Variants in ESPNL observed in about 807,000 individuals in gnomAD.
ESPNL encodes the protein espin like, also known as espin-like protein.
ESPNL carries 49 observed loss-of-function variants against 46.8 expected under a neutral mutation model. The ratio of observed to expected loss-of-function variants is 1.05; its 90% confidence interval spans 0.83 to 1.33. The LOEUF (loss-of-function observed/expected upper bound fraction) is 1.33. ESPNL is among the 40% of genes most tolerant of loss of function. ESPNL has a pLI of 0.00. For synonymous variants in ESPNL, 664 were observed against 662.1 expected, an observed-to-expected ratio of 1.00 and a Z score of -0.04; for missense variants, 1,540 against 1,436.6, an observed-to-expected ratio of 1.07 and a Z score of -1.16.
At chr2:238,105,721 C>T (rs1298554214) in intron 3 of ESPNL, among the ~76,000 whole-genome samples, 3 of 152,010 alleles carry the variant, frequency 2.0e-5, no homozygotes, top group Non-Finnish European at 2.9e-5. Flanking sequence ...CTGGGAGGAC[C>T]GGGGCTCTTT....
chr2:238,112,380 A>G (rs188954662), intron 4 of ESPNL, among the ~76,000 whole-genome samples: 88 of 152,056 alleles, frequency 5.8e-4, no homozygotes, highest in African/African-American at 2.1e-3. Flanking sequence ...AATTCCTGAT[A>G]TTGGGTATTT....
At chr2:238,112,132 C>A (rs1160381760) in intron 4 of ESPNL, among the ~76,000 whole-genome samples, 2 of 151,866 alleles carry the variant, frequency 1.3e-5, no homozygotes, top group Non-Finnish European at 1.5e-5. Context: ...TCCTCTGGAT[C>A]TGGCTGTTTC....
At chr2:238,119,663 G>A (rs73100310) in intron 5 of ESPNL, among the ~76,000 whole-genome samples, 3,201 of 152,062 alleles carry the variant, frequency 0.021, 114 homozygotes, top group African/African-American at 0.074. Context: ...AACCTAGCTC[G>A]GTTTCTGCCA....
chr2:238,110,868 G>T (rs1372111027), intron 4 of ESPNL, among the ~76,000 whole-genome samples: 3 of 151,576 alleles, frequency 2.0e-5, no homozygotes, highest in Admixed American at 6.6e-5. Flanking sequence ...AAAACAATGA[G>T]TTGATCCTCC....
At chr2:238,115,077 T>TGGTTCTGGCTCTGGTCTTGTGGC (rs1186998504) in intron 4 of ESPNL, among the ~76,000 whole-genome samples, 2 of 151,770 alleles carry the variant, frequency 1.3e-5, no homozygotes, top group Non-Finnish European at 1.5e-5. Flanking sequence ...GGTCTTGCGG[T>TGGTTCTGGCTCTGGTCTTGTGGC]GGTTCTGGCT....
chr2:238,116,466 G>C (rs77120012), intron 4 of ESPNL, among the ~76,000 whole-genome samples: 2 of 152,232 alleles, frequency 1.3e-5, no homozygotes, highest in Non-Finnish European at 2.9e-5. Context: ...CCCACGGAGA[G>C]TGGGGCTGTG....
At chr2:238,129,314 G>C (rs1224884887) in intron 8 of ESPNL, 5 of 994,076 alleles carry the variant, frequency 5.0e-6, no homozygotes, top group South Asian at 8.9e-5. Flanking sequence ...TGGGTGCTTA[G>C]GGGGCCCCCT....
chr2:238,112,960 G>GTTCGC (rs1267573261), intron 4 of ESPNL, among the ~76,000 whole-genome samples: 2 of 152,190 alleles, frequency 1.3e-5, no homozygotes, highest in African/African-American at 4.8e-5. Flanking sequence ...TTTGCAGACT[G>GTTCGC]TTCGCTACAT....
In ESPNL at chr2:238,131,548, T is replaced by G; in HGVS notation, c.2834T>G (p.Leu945Arg). ...WDTEPGRKSGLTLLGPLPHAA... is the reference protein window; with the variant it reads ...WDTEPGRKSGRTLLGPLPHAA... ...ACGGAGCCTGGCCGCAAGTCAGGTC[T>G]GACCCTGCTCGGGCCCCTGCCTCAC... Residue 945 changes from leucine to arginine, a missense_variant, in exon 9 of 9, where the codon CTG becomes CGG. Transcript: ENST00000343063. 1 of 1,611,254 alleles carries G rather than the reference T, an allele frequency of 6.2e-7. No homozygotes were observed. Among genetic ancestry groups the G allele is most frequent in the East Asian group, 2.2e-5 (1 of 44,828 alleles).
At position 238,100,375 on chromosome 2, in the gene ESPNL, G is replaced by A; in HGVS notation, c.-45G>A. 1 of 1,482,534 alleles carries A rather than the reference G, an allele frequency of 6.7e-7. No individual in the cohort carries two copies. Among genetic ancestry groups the A allele is most frequent in the South Asian group, 1.2e-5 (1 of 81,794 alleles). The allele number at this position is 1,482,534 out of a possible 1,614,324, so 91.8% of individuals were successfully genotyped here. On this transcript the variant is annotated 5_prime_UTR_variant, in exon 1 of 9. Transcript: ENST00000343063. ...GCTTCATCCACGTCTGAAACAGGAA[G>A]CCCCAGCCTGTGCATGAGTCGCCAC...
Position 238,127,557 on chromosome 2 carries a change from C to T in ESPNL, c.1103-65C>T, listed in dbSNP as rs558193080. 13 of 1,501,562 alleles carry T rather than the reference C, an allele frequency of 8.7e-6. No individual in the cohort carries two copies. In the East Asian group the frequency reaches 2.5e-4, roughly 29 times the overall value. 93.0% of individuals were successfully genotyped at this position (1,501,562 alleles called of 1,614,324 possible). On this transcript the variant is annotated intron_variant, in intron 6 of 8. Coordinates refer to ENST00000343063, the MANE Select transcript of ESPNL (RefSeq NM_194312.4). The stretch of plus-strand genomic sequence containing the variant: ...AGCTCTGCCCCCAGGGCCGGATCCC[C>T]GAGGCTCTGGGTCTCTGCTCCCCAG...
At chr2:238,130,042 A>G (rs1012057429) in intron 8 of ESPNL, 86 bp from the exon 9 acceptor site, 6 of 1,452,822 alleles carry the variant, frequency 4.1e-6, no homozygotes, top group African/African-American at 1.4e-5. Context: ...CTGCAGAGAT[A>G]CTGAGAACTC....
chr2:238,122,843 A>G (rs1004304373), intron 5 of ESPNL, among the ~76,000 whole-genome samples: 1 of 152,208 alleles, frequency 6.6e-6, no homozygotes, highest in Non-Finnish European at 1.5e-5. Flanking sequence ...GGCAGGGCTC[A>G]GCCCACCTCT....
rs1426481940 is a variant in ESPNL at position 238,130,130 on chromosome 2, C to A, written c.1416C>A (p.Asp472Glu). Residue 472 changes from aspartate to glutamate, a missense_variant and splice_region_variant, in exon 9 of 9, where the codon GAC (aspartate) becomes GAA (glutamate). Coordinates refer to ENST00000343063, the MANE Select transcript of ESPNL (RefSeq NM_194312.4). ...LGAESSAEAQ[D>E]NGGSSGPTEQ... The stretch of plus-strand genomic sequence containing the variant: ...CACCCTGCCCTTCCTGTGCCCAGGA[C>A]AATGGTGGGAGCTCAGGCCCCACGG... 6.2e-7 allele frequency: 1 copy of A among 1,608,710 alleles called. No individual in the cohort carries two copies. The highest frequency in any genetic ancestry group is 1.1e-5 in the South Asian group (1 of 90,928).
At chr2:238,120,886 A>G (rs1292170442) in intron 5 of ESPNL, among the ~76,000 whole-genome samples, 4 of 152,366 alleles carry the variant, frequency 2.6e-5, no homozygotes, top group Middle Eastern at 3.4e-3. Context: ...AGCTGGCCTC[A>G]GAAGAGGTGG....
rs778361759 is a variant in ESPNL, at chr2:238,100,507, G to C, written c.88G>C (p.Gly30Arg). Residue 30 changes from glycine to arginine, a missense_variant, in exon 1 of 9, where the codon GGC becomes CGC. Physicochemically the swap from Gly to Arg is moderately radical, Grantham distance 125. Transcript: ENST00000343063. ...RLLEAGALGP[G>R]ITDALGAGLV... ...GCTGGAGGCTGGCGCCCTGGGCCCG[G>C]GCATCACCGATGCTCTGGGGGCCGG... 40 of 1,597,174 alleles carry C rather than the reference G, an allele frequency of 2.5e-5. No homozygotes were observed. The highest frequency in any genetic ancestry group is 3.4e-5 in the Non-Finnish European group (40 of 1,174,852).
At chr2:238,129,159 T>G in intron 8 of ESPNL, 1 of 1,395,614 alleles carries the variant, frequency 7.2e-7, no homozygotes. Context: ...GGCACATGCC[T>G]GCCTGTGCCA....
At chr2:238,123,104 G>T (rs1213101137) in intron 5 of ESPNL, among the ~76,000 whole-genome samples, 1 of 152,176 alleles carries the variant, frequency 6.6e-6, no homozygotes, top group South Asian at 2.1e-4. Flanking sequence ...TGCCGCATAG[G>T]TCTGTATCTC....
chr2:238,128,979 C>A lies in ESPNL; in HGVS notation c.1413+75C>A, dbSNP rs1559268505. The A allele has an allele frequency of 3.3e-5, 49 of 1,486,016 alleles. No homozygotes were observed. In the South Asian group the frequency reaches 6.3e-4, roughly 19 times the overall value. 92.1% of individuals were successfully genotyped at this position (1,486,016 alleles called of 1,614,324 possible). A position where few individuals can be genotyped will look rare whatever the true frequency, so the allele number is the denominator to read the frequency against. On this transcript the variant is annotated intron_variant, in intron 8 of 8. Transcript: ENST00000343063. ...AGGTAGGTGGAAGTGGAAGTCAGGG[C>A]GCCCGAAGCCCAGAACTGAATCCAA...
Sources: gnomAD v4.1 joint callset for allele counts (sites outside exome capture counted in the v4.1 genomes callset) on GRCh38, gnomAD v4.1.1 for gene constraint, MANE v1.5 for transcripts, NCBI Gene and HGNC (gene_info 2026-07-23, HGNC 2026-07-21) for gene names.